ROR1: variants seen among roughly 807,000 people sequenced by gnomAD.
ROR1 encodes ROR family WNT receptor 1.
ROR1 carries 19 observed loss-of-function variants against 78.8 expected under a neutral mutation model. The observed-to-expected ratio is 0.24, with a 90% CI of 0.17 to 0.35. The LOEUF is 0.35. Ranked by LOEUF, ROR1 falls within the 10% of genes least tolerant of loss-of-function variation. The pLI is 1.00. For missense variants in ROR1, 917 were observed against 1,177.8 expected (o/e 0.78, Z 3.24); for synonymous variants, 386 against 433.6 (o/e 0.89, Z 1.36).
chr1:63,960,792 A>G (rs562480659), intron 1 of ROR1, among the ~76,000 whole-genome samples: 4 of 152,328 alleles, frequency 2.6e-5, no homozygotes, highest in Non-Finnish European at 2.9e-5. Context: ...TACAAAAAGG[A>G]TTAGGTTTTT....
chr1:63,792,335 C>T lies in ROR1; in HGVS notation c.91+17827C>T, dbSNP rs112153158. 1.6e-3 allele frequency among the ~76,000 whole-genome samples: 242 copies of T among 152,236 alleles called. 3 individuals carry two copies. The highest frequency in any genetic ancestry group is 5.3e-3 in the African/African-American group (221 of 41,532). On this transcript the variant is annotated intron_variant, in intron 1 of 8. Transcript: ENST00000371079. ...TGTGCCAGGCAGTATTCAGGTGCCG[C>T]GACAACCCTATTCGGTAGGTCCTAT...
intron 2 of ROR1, among the ~76,000 whole-genome samples, chr1:64,048,025 C>T (rs1646797766): frequency 6.6e-6 from 1 of 152,196 alleles, no homozygotes; most frequent in Non-Finnish European, 1.5e-5. Context: ...AACAATGTTC[C>T]TTCTGAATTT....
Position 64,178,531 on chromosome 1 carries a change from G to C in ROR1, c.2490G>C (p.Ala830=). The change falls in exon 9 of 9, where the codon GCG becomes GCC. Residue 830 remains alanine (A), a synonymous_variant. Coordinates refer to ENST00000371079, the MANE Select transcript of ROR1 (RefSeq NM_005012.4). This position sits in a 1 kb window ranked among gnomAD's most constrained non-coding sequence, Gnocchi z 4.3. ...NGYPIPPGYA[A]FPAAHYQPTG... Reference sequence around the variant, plus strand: ...ACCCAATACCTCCTGGATATGCAGCGTTTCCAGCTGCCCACTACCAGCCAA... The same window carrying C: ...ACCCAATACCTCCTGGATATGCAGCCTTTCCAGCTGCCCACTACCAGCCAA... 6.2e-7 allele frequency: 1 copy of C among 1,614,140 alleles called. No individual in the cohort carries two copies. Among genetic ancestry groups the C allele is most frequent in the Non-Finnish European group, 8.5e-7 (1 of 1,180,032 alleles).
intron 1 of ROR1, among the ~76,000 whole-genome samples, chr1:63,991,243 C>A (rs1646293928): frequency 1.3e-5 from 2 of 152,194 alleles, no homozygotes; most frequent in South Asian, 4.2e-4. Context: ...AGCCACCGTG[C>A]CCAGCCTAAA....
At chr1:64,127,098 G>T (rs1483890658) in intron 4 of ROR1, among the ~76,000 whole-genome samples, 1 of 152,174 alleles carries the variant, frequency 6.6e-6, no homozygotes, top group East Asian at 1.9e-4. Flanking sequence ...TTTTGAGGAT[G>T]AATAATCCAA....
chr1:63,901,825 ACAAACT>A (rs773669757), intron 1 of ROR1, among the ~76,000 whole-genome samples: 5 of 152,178 alleles, frequency 3.3e-5, no homozygotes, highest in Admixed American at 6.5e-5. Flanking sequence ...TAGCTAGTGT[ACAAACT>A]AGATAGGCCC....
chr1:64,065,683 A>T (rs959971939), intron 4 of ROR1, among the ~76,000 whole-genome samples: 1 of 152,186 alleles, frequency 6.6e-6, no homozygotes, highest in Non-Finnish European at 1.5e-5. Context: ...CAGCTGTGTG[A>T]CATACACTTC....
chr1:63,812,513 A>AATGAATGAATGAATGAATGG (rs1644865981), intron 1 of ROR1, among the ~76,000 whole-genome samples: 1 of 151,880 alleles, frequency 6.6e-6, no homozygotes, highest in African/African-American at 2.4e-5. Context: ...GTTTTGACTG[A>AATGAATGAATGAATGAATGG]ATGAATGAAT....
intron 1 of ROR1, among the ~76,000 whole-genome samples, chr1:63,790,414 A>G (rs1209503551): frequency 6.6e-6 from 1 of 152,202 alleles, no homozygotes; most frequent in Non-Finnish European, 1.5e-5. Flanking sequence ...AGCCCTGTAA[A>G]AAGTCAATCA....
At chr1:64,130,225 C>T (rs954466065) in intron 4 of ROR1, among the ~76,000 whole-genome samples, 4 of 152,074 alleles carry the variant, frequency 2.6e-5, no homozygotes, top group Non-Finnish European at 4.4e-5. Flanking sequence ...AATTCTCAAC[C>T]CTATAGATTT....
At chr1:64,106,102 T>C (rs898059354) in intron 4 of ROR1, 1 of 152,230 alleles carries the variant, frequency 6.6e-6, no homozygotes, top group Admixed American at 6.5e-5. Context: ...GATGGAATGT[T>C]TTTCCATTTG....
intron 1 of ROR1, among the ~76,000 whole-genome samples, chr1:63,846,233 C>T (rs1645080924): frequency 6.6e-6 from 1 of 151,678 alleles, no homozygotes; most frequent in African/African-American, 2.4e-5. Context: ...TGGCCTACCC[C>T]TCACATCTGT....
intron 1 of ROR1, among the ~76,000 whole-genome samples, chr1:63,908,375 C>T (rs1388605161): frequency 1.3e-5 from 2 of 152,090 alleles, no homozygotes; most frequent in South Asian, 2.1e-4. Context: ...ATCTGTGATT[C>T]CCAACATCTT....
At chr1:63,920,561 CAG>C (rs1645646288) in intron 1 of ROR1, among the ~76,000 whole-genome samples, 1 of 152,128 alleles carries the variant, frequency 6.6e-6, no homozygotes, top group South Asian at 2.1e-4. Flanking sequence ...TTCATTACTC[CAG>C]AGTCTCTTAT....
intron 1 of ROR1, among the ~76,000 whole-genome samples, chr1:63,972,355 A>G (rs1398099152): frequency 3.9e-5 from 6 of 152,190 alleles, no homozygotes; most frequent in Non-Finnish European, 7.3e-5. Context: ...GGCAAAGTTA[A>G]GTCAGACTCC....
chr1:64,026,719 G>C lies in ROR1; in HGVS notation c.163+17343G>C, dbSNP rs74768214. Among the ~76,000 whole-genome samples the C allele has an allele frequency of 5.3e-3, 807 of 152,266 alleles. 5 individuals are homozygous for C. Among genetic ancestry groups the C allele is most frequent in the Admixed American group, 7.9e-3 (120 of 15,286 alleles). On this transcript the variant is annotated intron_variant, in intron 2 of 8. Transcript: ENST00000371079. The stretch of plus-strand genomic sequence containing the variant: ...GTCTTACATGGCGGCATGTGAGAGA[G>C]AGTGTGTGAACGGGAAACTGTCAAA...
chr1:64,096,264 G>A lies in ROR1; in HGVS notation c.483-41105G>A, dbSNP rs376514487. 6.6e-5 allele frequency among the ~76,000 whole-genome samples: 10 copies of A among 151,792 alleles called. No individual in the cohort carries two copies. In the East Asian group the frequency reaches 1.5e-3, roughly 23 times the overall value. ...TACTTTAAATTTCAGGGGTACTTGTGCAGGATGTGCAGGGTTTTTACATAG... is the reference window on the plus strand; with the variant it reads ...TACTTTAAATTTCAGGGGTACTTGTACAGGATGTGCAGGGTTTTTACATAG... On this transcript the variant is annotated intron_variant, in intron 4 of 8. Coordinates refer to ENST00000371079, the MANE Select transcript of ROR1 (RefSeq NM_005012.4).
intron 1 of ROR1, among the ~76,000 whole-genome samples, chr1:63,835,886 A>C (rs1199847110): frequency 6.6e-6 from 1 of 152,180 alleles, no homozygotes; most frequent in Non-Finnish European, 1.5e-5. Context: ...GGAGCTTGGG[A>C]GTGGTTAATA....
intron 2 of ROR1, 50 bp from the exon 3 acceptor site, chr1:64,049,641 C>A (rs1260626222): frequency 6.5e-7 from 1 of 1,541,244 alleles, no homozygotes; most frequent in Non-Finnish European, 8.9e-7. Flanking sequence ...TGCTTGGAAG[C>A]CCTCTCAAGC....
Sources: allele counts gnomAD v4.1 joint callset (sites outside exome capture counted in the v4.1 genomes callset), GRCh38; gene constraint gnomAD v4.1.1; non-coding constraint Gnocchi (gnomAD v3.1); transcripts MANE v1.5; gene names NCBI Gene and HGNC (gene_info 2026-07-23, HGNC 2026-07-21).